Variants in TWSG1 observed in about 807,000 individuals in gnomAD.
TWSG1 encodes twisted gastrulation BMP signaling modulator 1.
TWSG1 carries 15 observed loss-of-function variants against 23.0 expected under a neutral mutation model. That is an observed-to-expected ratio of 0.65 (90% CI 0.44 to 1.00). The LOEUF is 1.00. Ranked by LOEUF, TWSG1 falls within the 50% of genes least tolerant of loss-of-function variation. The probability of loss-of-function intolerance (pLI) is 0.00; values close to 1 mark genes in which losing one functional copy is unlikely to be tolerated. For missense variants in TWSG1, 242 were observed against 278.7 expected, an observed-to-expected ratio of 0.87 and a Z score of 0.94; for synonymous variants, 86 against 92.8, an observed-to-expected ratio of 0.93 and a Z score of 0.42.
intron 2 of TWSG1, among the ~76,000 whole-genome samples, chr18:9,346,008 T>G (rs913360283): frequency 6.6e-6 from 1 of 152,226 alleles, no homozygotes; most frequent in African/African-American, 2.4e-5. Flanking sequence ...AATCTATGCT[T>G]TGCATTAGCA....
rs759389243 is a variant in TWSG1, at chr18:9,337,341, T to C, written c.112T>C (p.Cys38Arg). 5 of 1,613,408 alleles carry C rather than the reference T, an allele frequency of 3.1e-6. No homozygotes were observed. Among genetic ancestry groups the C allele is most frequent in the Non-Finnish European group, 4.2e-6 (5 of 1,179,970 alleles). Residue 38 changes from cysteine to arginine, a missense_variant, in exon 2 of 5, where the codon TGC (cysteine) becomes CGC (arginine). Transcript: ENST00000262120. ...ACTCTGTGCTAGTGATGTGAGCAAA[T>C]GCCTCATTCAGGTAGGACTAAGAGT... ...KALCASDVSK[C>R]LIQELCQCRP...
chr18:9,350,993 T>A (rs2040499434), intron 2 of TWSG1, among the ~76,000 whole-genome samples: 1 of 152,162 alleles, frequency 6.6e-6, no homozygotes, highest in African/African-American at 2.4e-5. Context: ...AGCATAGGTA[T>A]AATATAATGC....
chr18:9,395,912 C>A (rs1220891578), intron 3 of TWSG1, among the ~76,000 whole-genome samples: 1 of 151,986 alleles, frequency 6.6e-6, no homozygotes, highest in Non-Finnish European at 1.5e-5. Flanking sequence ...AGTAGGAGCC[C>A]CTTCAGTTGT....
intron 3 of TWSG1, among the ~76,000 whole-genome samples, chr18:9,390,974 A>T (rs555529861): frequency 6.6e-6 from 1 of 152,322 alleles, no homozygotes; most frequent in East Asian, 1.9e-4. Context: ...TGATTGTGCC[A>T]CTACACTCCA....
intron 3 of TWSG1, among the ~76,000 whole-genome samples, chr18:9,371,981 G>T (rs2040607645): frequency 6.6e-6 from 1 of 151,642 alleles, no homozygotes; most frequent in Admixed American, 6.6e-5. Context: ...TGGCCAGACT[G>T]GTCTCGAACT....
chr18:9,393,816 G>T (rs531915075), intron 3 of TWSG1, among the ~76,000 whole-genome samples: 1 of 152,124 alleles, frequency 6.6e-6, no homozygotes, highest in Non-Finnish European at 1.5e-5. Flanking sequence ...TCACCTCTGC[G>T]TCTCAAAGTG....
At chr18:9,344,517 G>GTGTGTGTGTGTGTA (rs1555650744) in intron 2 of TWSG1, among the ~76,000 whole-genome samples, 3,708 of 105,630 alleles carry the variant, frequency 0.035, 76 homozygotes, top group South Asian at 0.052. Context: ...GTGTGTGTGT[G>GTGTGTGTGTGTGTA]TGTGTATGTA....
intron 3 of TWSG1, among the ~76,000 whole-genome samples, chr18:9,377,167 A>C (rs1342717486): frequency 1.3e-5 from 2 of 152,102 alleles, no homozygotes; most frequent in Non-Finnish European, 2.9e-5. Flanking sequence ...GATCTTGACA[A>C]AGGAGCAAAG....
chr18:9,344,149 TCCTG>T (rs1367021320), intron 2 of TWSG1, among the ~76,000 whole-genome samples: 2 of 152,214 alleles, frequency 1.3e-5, no homozygotes, highest in East Asian at 3.8e-4. Flanking sequence ...CAAACGATCC[TCCTG>T]CCTTGGCCCC....
At chr18:9,379,228 A>G (rs1335780748) in intron 3 of TWSG1, among the ~76,000 whole-genome samples, 1 of 152,234 alleles carries the variant, frequency 6.6e-6, no homozygotes, top group Admixed American at 6.5e-5. Context: ...TGTTCATTTC[A>G]GCACTGTTCA....
chr18:9,375,782 G>A lies in TWSG1; in HGVS notation c.223+15711G>A, dbSNP rs1012241298. ...TAGGTATAAATCTAACAAAATATGC[G>A]CAAGGTCTGTATGAGGAAAACTACA... is the stretch of plus-strand genomic sequence containing the variant. On this transcript the variant is annotated intron_variant, in intron 3 of 4. Transcript: ENST00000262120. 3.9e-5 allele frequency among the ~76,000 whole-genome samples: 6 copies of A among 152,176 alleles called. No homozygotes were observed. The East Asian group carries it at 5.8e-4, about 15-fold the overall frequency.
chr18:9,390,695 C>T (rs917342599), intron 3 of TWSG1, among the ~76,000 whole-genome samples: 2 of 152,188 alleles, frequency 1.3e-5, no homozygotes, highest in African/African-American at 2.4e-5. Context: ...CTATTTGATA[C>T]TATTTTACCC....
At chr18:9,343,258 A>ATATC (rs2040455718) in intron 2 of TWSG1, among the ~76,000 whole-genome samples, 2 of 134,922 alleles carry the variant, frequency 1.5e-5, no homozygotes, top group Admixed American at 7.5e-5. Context: ...ATATATATAT[A>ATATC]TATCTTGTCC....
chr18:9,357,834 C>T (rs2040534016), intron 2 of TWSG1, among the ~76,000 whole-genome samples: 1 of 91,506 alleles, frequency 1.1e-5, no homozygotes, highest in Non-Finnish European at 2.8e-5. Flanking sequence ...GGAGGAGGAG[C>T]AGGGAAGGGG....
At chr18:9,374,941 C>A (rs6506657) in intron 3 of TWSG1, among the ~76,000 whole-genome samples, 1 of 152,208 alleles carries the variant, frequency 6.6e-6, no homozygotes, top group Non-Finnish European at 1.5e-5. Context: ...GCCAAGGCGG[C>A]CAGATCACGA....
chr18:9,365,425 A>G (rs1292441432), intron 3 of TWSG1, among the ~76,000 whole-genome samples: 6 of 152,248 alleles, frequency 3.9e-5, no homozygotes, highest in African/African-American at 9.6e-5. Context: ...CTATAATCCC[A>G]GCACTCTGGG....
intron 3 of TWSG1, among the ~76,000 whole-genome samples, chr18:9,366,824 C>T (rs1327201557): frequency 6.6e-6 from 1 of 151,868 alleles, no homozygotes; most frequent in African/African-American, 2.4e-5. Context: ...TATATATTTA[C>T]CCAGTGCAAC....
At chr18:9,335,132 G>T (rs1204566959) in intron 1 of TWSG1, among the ~76,000 whole-genome samples, 1 of 152,118 alleles carries the variant, frequency 6.6e-6, no homozygotes, top group Non-Finnish European at 1.5e-5. Flanking sequence ...TCTCTGCGCC[G>T]CTTTGGTCCA....
At chr18:9,352,303 A>T (rs1208632319) in intron 2 of TWSG1, among the ~76,000 whole-genome samples, 2 of 152,074 alleles carry the variant, frequency 1.3e-5, no homozygotes, top group Non-Finnish European at 2.9e-5. Flanking sequence ...CTTTGTGTGG[A>T]TGTACTACAA....
Sources: allele counts gnomAD v4.1 joint callset (sites outside exome capture counted in the v4.1 genomes callset), GRCh38; gene constraint gnomAD v4.1.1; transcripts MANE v1.5; gene names NCBI Gene and HGNC (gene_info 2026-07-23, HGNC 2026-07-21).